The following ZC3H7A variants were observed in gnomAD, a reference collection of about 807,000 sequenced individuals.
ZC3H7A encodes the protein zinc finger CCCH domain-containing protein 7A.
A neutral mutation model predicts 125.5 loss-of-function variants in ZC3H7A; 44 were observed. That is an observed-to-expected ratio of 0.35 (90% CI 0.28 to 0.45). The LOEUF is 0.45. Among genes scored for constraint, ZC3H7A ranks in the 20% least tolerant of loss-of-function variants. The pLI is 1.00. For missense variants in ZC3H7A, 977 were observed against 1,170.7 expected (o/e 0.83, Z 2.41); for synonymous variants, 399 against 391.2 (o/e 1.02, Z -0.23).
At position 11,776,705 on chromosome 16, in the gene ZC3H7A, G is replaced by T. The variant is rs368601513; in HGVS notation, c.465+46C>A. On this transcript the variant is annotated intron_variant, in intron 5 of 22. Coordinates refer to ENST00000355758, the MANE Select transcript of ZC3H7A (RefSeq NM_014153.4). ...TAACTCTTTAAATGCCATTTATTAT[G>T]ATGTAAATGGTTACGATGTAAACAA... 50 of 1,554,520 alleles carry T rather than the reference G, an allele frequency of 3.2e-5. No homozygotes were observed. In the Admixed American group the frequency reaches 6.3e-4, roughly 20 times the overall value.
intron 1 of ZC3H7A, among the ~76,000 whole-genome samples, chr16:11,784,609 C>T (rs1422393376): frequency 6.6e-6 from 1 of 152,042 alleles, no homozygotes; most frequent in Admixed American, 6.6e-5. Context: ...TAATCCAGCA[C>T]TTTGAGAGGC....
chr16:11,795,736 C>G (rs747113067), intron 1 of ZC3H7A, among the ~76,000 whole-genome samples: 3 of 152,140 alleles, frequency 2.0e-5, no homozygotes, highest in Non-Finnish European at 2.9e-5. Flanking sequence ...CCCCGCCCGG[C>G]CCGTATATGT....
rs562345421 is a variant in ZC3H7A, at chr16:11,762,897, T to C, written c.2003-150A>G. The C allele has an allele frequency of 1.1e-5, 7 of 653,190 alleles. No homozygotes were observed. The African/African-American group carries it at 1.3e-4, about 12-fold the overall frequency. 40.5% of individuals were successfully genotyped at this position (653,190 alleles called of 1,614,324 possible). A position where few individuals can be genotyped will look rare whatever the true frequency, so the allele number is the denominator to read the frequency against. ...CAAGGATGAATACCACGTTTCTCTT[T>C]TTTGAAATGGAATATACACAAATAC... On this transcript the variant is annotated intron_variant, in intron 16 of 22. Transcript: ENST00000355758.
At position 11,774,224 on chromosome 16, in the gene ZC3H7A, A is replaced by G. The variant is rs967478379; in HGVS notation, c.903+12T>C. On this transcript the variant is annotated intron_variant, in intron 9 of 22. Coordinates refer to ENST00000355758, the MANE Select transcript of ZC3H7A (RefSeq NM_014153.4). ...TGTCTTCAGAAGAAACTTGAGTAAC[A>G]CTGAAACTTACCATAACAGTTTCAT... 1.3e-6 allele frequency: 2 copies of G among 1,551,350 alleles called. No individual in the cohort carries two copies. Among genetic ancestry groups the G allele is most frequent in the African/African-American group, 2.7e-5 (2 of 73,010 alleles).
In ZC3H7A at chr16:11,751,206, T is replaced by C. The variant is rs745471046; in HGVS notation, c.*111A>G. On this transcript the variant is annotated 3_prime_UTR_variant, in exon 23 of 23. Transcript: ENST00000355758. ...GTGGGTTGCTGCTCAGGAGGAACGA[T>C]ATACGCCAATACAAGCAGGAAATCT... 13 of 1,194,960 alleles carry C rather than the reference T, an allele frequency of 1.1e-5. No homozygotes were observed. The highest frequency in any genetic ancestry group is 1.5e-5 in the Non-Finnish European group (13 of 872,366). The allele number at this position is 1,194,960 out of a possible 1,614,324, so 74.0% of individuals were successfully genotyped here.
In ZC3H7A at chr16:11,752,687, T is replaced by C. The variant is rs140400801; in HGVS notation, c.2708A>G (p.Tyr903Cys). 2.6e-5 allele frequency: 42 copies of C among 1,612,540 alleles called. No homozygotes were observed. The highest frequency in any genetic ancestry group is 3.4e-5 in the Non-Finnish European group (40 of 1,179,616). The change falls in exon 22 of 23, where the codon TAT (tyrosine) becomes TGT (cysteine). Residue 903 changes from tyrosine (Y) to cysteine (C), a missense_variant. Around this residue, in one of 3 missense-constraint regions of ZC3H7A, gnomAD observed 436 missense variants for 603.2 expected, o/e 0.72. Coordinates refer to ENST00000355758, the MANE Select transcript of ZC3H7A (RefSeq NM_014153.4). ...YCWQHRFPTG[Y>C]FSICDRYMNG... ...TACATACCTATCACAAATACTGAAA[T>C]AGCCTGTTGGGAAGCGGTGCTGCCA... is the stretch of plus-strand genomic sequence containing the variant.
chr16:11,778,138 T>C (rs953820432), intron 4 of ZC3H7A, among the ~76,000 whole-genome samples: 2 of 150,156 alleles, frequency 1.3e-5, no homozygotes, highest in Non-Finnish European at 3.0e-5. Context: ...TACTATTTCT[T>C]GATTTAAAAA....
chr16:11,779,874 TTTA>T (rs1286722457), intron 3 of ZC3H7A, among the ~76,000 whole-genome samples: 2 of 100,216 alleles, frequency 2.0e-5, no homozygotes, highest in African/African-American at 1.3e-4. Context: ...TTTGTGTTTA[TTTA>T]TTTTTTTTAA....
chr16:11,759,897 G>A (rs1050457490), intron 19 of ZC3H7A: 2 of 152,196 alleles, frequency 1.3e-5, no homozygotes, highest in African/African-American at 4.8e-5. Context: ...TGGGTCACTT[G>A]AGGTCAAGAG....
In ZC3H7A at chr16:11,770,888, A is replaced by T; in HGVS notation, c.1003T>A (p.Tyr335Asn). The T allele has an allele frequency of 2.5e-6, 4 of 1,614,176 alleles. No individual in the cohort carries two copies. The highest frequency in any genetic ancestry group is 2.5e-6 in the Non-Finnish European group (3 of 1,179,998). The change falls in exon 10 of 23, where the codon TAT becomes AAT. Residue 335 changes from tyrosine (Y) to asparagine (N), a missense_variant. This residue lies in a region of ZC3H7A where 342 missense variants were observed against 311.3 expected (regional missense o/e 1.10). Coordinates refer to ENST00000355758, the MANE Select transcript of ZC3H7A (RefSeq NM_014153.4). ...TCTGAGAAGGAGGGTGGAGGAGCAT[A>T]CCTCGCACCAATGGGTAAGGTTCCT... ...LLGTLPIGARYAPPPSFSEFY... is the reference protein window; with the variant it reads ...LLGTLPIGARNAPPPSFSEFY...
intron 3 of ZC3H7A, among the ~76,000 whole-genome samples, chr16:11,780,193 C>A (rs368639633): frequency 4.6e-5 from 7 of 151,148 alleles, no homozygotes; most frequent in African/African-American, 1.7e-4. Context: ...ACGATCTCGG[C>A]TCTCTGCGAC....
At chr16:11,753,041 A>G in intron 21 of ZC3H7A, 2 of 542,576 alleles carry the variant, frequency 3.7e-6, no homozygotes. Flanking sequence ...TGTCCAGGAA[A>G]TCTCCGGTAA....
Position 11,770,760 on chromosome 16 carries a change from T to C in ZC3H7A, c.1108+23A>G, listed in dbSNP as rs549438514. ...TTTGAGAAAATCAACTGCAATTGTT[T>C]ACAATTTAGATTTGGTTCTTACCTC... On this transcript the variant is annotated intron_variant, in intron 10 of 22. Coordinates refer to ENST00000355758, the MANE Select transcript of ZC3H7A (RefSeq NM_014153.4). 5 of 1,583,070 alleles carry C rather than the reference T, an allele frequency of 3.2e-6. No individual in the cohort carries two copies. The African/African-American group carries it at 5.4e-5, about 17-fold the overall frequency.
chr16:11,781,501 C>T lies in ZC3H7A; in HGVS notation c.69-37G>A, dbSNP rs747630090. ...AAACAAATTAACTGTAATTATCAAG[C>T]TCCTTATCGGGACCTGTTCAGCCAG... On this transcript the variant is annotated intron_variant, in intron 2 of 22. Coordinates refer to ENST00000355758, the MANE Select transcript of ZC3H7A (RefSeq NM_014153.4). 9 of 1,598,780 alleles carry T rather than the reference C, an allele frequency of 5.6e-6. No individual in the cohort carries two copies. The South Asian group carries it at 9.0e-5, about 16-fold the overall frequency.
chr16:11,779,635 C>T (rs2053140722), intron 3 of ZC3H7A, among the ~76,000 whole-genome samples: 1 of 152,100 alleles, frequency 6.6e-6, no homozygotes, highest in South Asian at 2.1e-4. Flanking sequence ...AATTCTGTGC[C>T]CGCTAGAGAA....
At chr16:11,766,432 G>C (rs974663945) in intron 13 of ZC3H7A, among the ~76,000 whole-genome samples, 8 of 152,304 alleles carry the variant, frequency 5.3e-5, no homozygotes, top group African/African-American at 1.7e-4. Flanking sequence ...AGGCAGGGCG[G>C]CACACGCCTG....
At chr16:11,773,340 G>C (rs574892524) in intron 9 of ZC3H7A, among the ~76,000 whole-genome samples, 1 of 152,018 alleles carries the variant, frequency 6.6e-6, no homozygotes, top group African/African-American at 2.4e-5. Flanking sequence ...CACTATGCCA[G>C]GCTGTTTTTA....
At chr16:11,771,674 T>C (rs2141190992) in intron 9 of ZC3H7A, among the ~76,000 whole-genome samples, 1 of 151,976 alleles carries the variant, frequency 6.6e-6, no homozygotes, top group African/African-American at 2.4e-5. Context: ...CTAATTTTTG[T>C]ATTTTTAGTA....
intron 8 of ZC3H7A, 89 bp downstream of exon 8, chr16:11,774,891 C>A: frequency 7.2e-6 from 10 of 1,384,068 alleles, no homozygotes; most frequent in Non-Finnish European, 1.0e-5. Context: ...AACCACACAG[C>A]GATATTATTT....
Sources: gnomAD v4.1 joint callset for allele counts (sites outside exome capture counted in the v4.1 genomes callset) on GRCh38, gnomAD v4.1.1 for gene constraint, gnomAD v4.1.1 regional missense constraint, MANE v1.5 for transcripts, NCBI Gene and HGNC (gene_info 2026-07-23, HGNC 2026-07-21) for gene names.